Variants in TTC8 observed in about 807,000 individuals in gnomAD.
TTC8 encodes the protein tetratricopeptide repeat protein 8.
A neutral mutation model predicts 72.5 loss-of-function variants in TTC8; 47 were observed. The observed-to-expected ratio is 0.65, with a 90% CI of 0.51 to 0.83. TTC8 has a LOEUF of 0.83. TTC8 is among the 40% of genes least tolerant of loss of function. The probability of loss-of-function intolerance (pLI) is 0.00; values close to 1 mark genes in which losing one functional copy is unlikely to be tolerated. For synonymous variants in TTC8, 199 were observed against 221.4 expected (o/e 0.90, Z 0.90); for missense variants, 611 against 623.2 (o/e 0.98, Z 0.21).
chr14:88,844,522 T>C (rs1595947003), intron 7 of TTC8, among the ~76,000 whole-genome samples: 1 of 152,146 alleles, frequency 6.6e-6, no homozygotes, highest in East Asian at 1.9e-4. Context: ...AATAAAAATG[T>C]TTTCCTTAAT....
At chr14:88,876,261 C>T (rs1248609994) in intron 14 of TTC8, among the ~76,000 whole-genome samples, 1 of 152,088 alleles carries the variant, frequency 6.6e-6, no homozygotes. Context: ...CTTCTTTAAG[C>T]AAAAGGCTGC....
chr14:88,862,716 G>C (rs2094893685), intron 10 of TTC8, among the ~76,000 whole-genome samples: 1 of 147,734 alleles, frequency 6.8e-6, no homozygotes, highest in Admixed American at 6.8e-5. Flanking sequence ...GGGTAGCTGG[G>C]ACTACAGGCT....
At chr14:88,863,990 T>C (rs1036045087) in intron 10 of TTC8, among the ~76,000 whole-genome samples, 3 of 152,188 alleles carry the variant, frequency 2.0e-5, no homozygotes, top group Non-Finnish European at 4.4e-5. Flanking sequence ...GCTTAGGGCT[T>C]CCAATATAAT....
rs1440357701 is a variant in TTC8 at position 88,871,552 on chromosome 14, G to T, written c.1053G>T (p.Arg351=). The T allele has an allele frequency of 6.2e-7, 1 of 1,613,756 alleles. No individual in the cohort carries two copies. Among genetic ancestry groups the T allele is most frequent in the East Asian group, 2.2e-5 (1 of 44,854 alleles). ...TTGTGTGTTCTTTTTTGAAAAGGCGGCTGCTGCAGATGGGCATTTATAACG... is the reference window on the plus strand; with the variant it reads ...TTGTGTGTTCTTTTTTGAAAAGGCGTCTGCTGCAGATGGGCATTTATAACG... ...QPEIALRFYR[R]LLQMGIYNGQ... is the part of the protein sequence containing the mutation. Residue 351 remains arginine, a synonymous_variant, in exon 12 of 15, where the codon CGG becomes CGT. Transcript: ENST00000380656. The surrounding 1 kb of genome is among the most constrained non-coding windows in gnomAD (Gnocchi z 4.1).
chr14:88,880,934 A>T (rs2094970515), downstream of TTC8: 1 of 152,220 alleles, frequency 6.6e-6, no homozygotes, highest in African/African-American at 2.4e-5. Flanking sequence ...CAAGAGAAAG[A>T]TACATTTTTA....
Position 88,870,079 on chromosome 14 carries a change from A to G in TTC8, c.930A>G (p.Ser310=). ...AATAGGAAATGAACAATATGTCATC[A>G]GCAGCAGAATATTACAAAGAAGTTT... is the stretch of plus-strand genomic sequence containing the variant. ...RIYEEMNNMS[S]AAEYYKEVLK... Residue 310 remains serine (S), a synonymous_variant, in exon 11 of 15, where the codon TCA becomes TCG. Transcript: ENST00000380656. 6.2e-7 allele frequency: 1 copy of G among 1,614,044 alleles called. No homozygotes were observed. Among genetic ancestry groups the G allele is most frequent in the South Asian group, 1.1e-5 (1 of 91,078 alleles).
chr14:88,851,151 A>G (rs1414998456), intron 7 of TTC8, among the ~76,000 whole-genome samples: 1 of 152,144 alleles, frequency 6.6e-6, no homozygotes, highest in African/African-American at 2.4e-5. Context: ...GCTGCATTAT[A>G]CCAGCTTAGT....
chr14:88,875,694 TA>T (rs1200739996), intron 14 of TTC8, among the ~76,000 whole-genome samples: 8 of 152,180 alleles, frequency 5.3e-5, no homozygotes, highest in Non-Finnish European at 1.2e-4. Context: ...AGGAAATGGC[TA>T]AAAATATTTG....
At chr14:88,853,673 CA>C (rs1197977799) in intron 8 of TTC8, among the ~76,000 whole-genome samples, 2 of 152,108 alleles carry the variant, frequency 1.3e-5, no homozygotes, top group African/African-American at 2.4e-5. Flanking sequence ...TCCACAATTC[CA>C]TATTGTTTCT....
chr14:88,865,608 C>T (rs563870073), intron 10 of TTC8, among the ~76,000 whole-genome samples: 29 of 152,120 alleles, frequency 1.9e-4, no homozygotes, highest in African/African-American at 5.5e-4. Context: ...GCAGAGGTTG[C>T]GGTAAGCCAA....
intron 8 of TTC8, among the ~76,000 whole-genome samples, chr14:88,854,779 G>C (rs2094848798): frequency 6.6e-6 from 1 of 152,068 alleles, no homozygotes; most frequent in Non-Finnish European, 1.5e-5. Flanking sequence ...TCAATCTCCT[G>C]GGCTTAAGCC....
chr14:88,838,685 T>C (rs2094764653), intron 2 of TTC8, among the ~76,000 whole-genome samples: 1 of 152,218 alleles, frequency 6.6e-6, no homozygotes, highest in Non-Finnish European at 1.5e-5. Flanking sequence ...AGAAATTGAA[T>C]GGTGTACATG....
intron 13 of TTC8, among the ~76,000 whole-genome samples, chr14:88,873,890 C>T (rs1268795428): frequency 6.6e-6 from 1 of 152,126 alleles, no homozygotes; most frequent in Non-Finnish European, 1.5e-5. Context: ...AACAGCATGC[C>T]AGTACATTAG....
intron 7 of TTC8, among the ~76,000 whole-genome samples, chr14:88,846,012 GA>G (rs1283822639): frequency 1.3e-5 from 2 of 151,998 alleles, no homozygotes; most frequent in Non-Finnish European, 2.9e-5. Flanking sequence ...AGTGGTCATT[GA>G]AGTCTCTCTG....
chr14:88,840,754 C>A (rs984886081), intron 3 of TTC8, 111 bp from the exon 4 acceptor site: 8 of 999,748 alleles, frequency 8.0e-6, no homozygotes, highest in Non-Finnish European at 1.1e-5. Flanking sequence ...ACATTTCTTG[C>A]TATTAATGTC....
In TTC8 at chr14:88,841,444, C is replaced by T. The variant is rs1006330985; in HGVS notation, c.509C>T (p.Pro170Leu). The T allele has an allele frequency of 6.2e-7, 1 of 1,613,738 alleles. No individual in the cohort carries two copies. Among genetic ancestry groups the T allele is most frequent in the Non-Finnish European group, 8.5e-7 (1 of 1,179,852 alleles). The stretch of plus-strand genomic sequence containing the variant: ...CTGTAGGCTTCCATGCTTACAAGTC[C>T]TGATGGACCATTTATAAATTTATCT... ...RLGTASMLTS[P>L]DGPFINLSRL... Residue 170 changes from proline to leucine, a missense_variant, in exon 6 of 15, where the codon CCT becomes CTT. By Grantham distance (98) the Pro-to-Leu change is moderately conservative. Coordinates refer to ENST00000380656, the MANE Select transcript of TTC8 (RefSeq NM_144596.4).
intron 9 of TTC8, 92 bp downstream of exon 9, chr14:88,857,369 G>C (rs757399081): frequency 7.2e-5 from 80 of 1,106,002 alleles, no homozygotes; most frequent in Non-Finnish European, 1.1e-4. Context: ...AGCTTCTTCA[G>C]GAATATTTGG....
At chr14:88,824,642 C>A, upstream of TTC8, 2 of 1,378,712 alleles carry the variant, frequency 1.5e-6, no homozygotes, top group African/African-American at 1.4e-5. Flanking sequence ...CGGACGCCGC[C>A]AGCTCTTCAC....
At chr14:88,855,257 T>C (rs888442940) in intron 8 of TTC8, among the ~76,000 whole-genome samples, 1 of 152,234 alleles carries the variant, frequency 6.6e-6, no homozygotes, top group Non-Finnish European at 1.5e-5. Context: ...ATCATTGCTT[T>C]AAGGACATGG....
Sources: gnomAD v4.1 joint callset for allele counts (sites outside exome capture counted in the v4.1 genomes callset) on GRCh38, gnomAD v4.1.1 for gene constraint, Gnocchi (gnomAD v3.1) non-coding constraint, MANE v1.5 for transcripts, NCBI Gene and HGNC (gene_info 2026-07-23, HGNC 2026-07-21) for gene names.